The following ELFN1 variants were observed in gnomAD, a reference collection of about 807,000 sequenced individuals.
The protein encoded by ELFN1 is protein ELFN1.
In ELFN1, 6 loss-of-function variants were observed where a neutral mutation model predicts 7.6. The ratio of observed to expected loss-of-function variants is 0.79; its 90% confidence interval spans 0.43 to 1.56. The LOEUF (loss-of-function observed/expected upper bound fraction) is 1.56. ELFN1 is among the 40% of genes most tolerant of loss of function. ELFN1 has a pLI of 0.01. For missense variants in ELFN1, 1,169 were observed against 1,232.2 expected (o/e 0.95, Z 0.77); for synonymous variants, 657 against 588.1 (o/e 1.12, Z -1.70).
intron 2 of ELFN1, among the ~76,000 whole-genome samples, chr7:1,707,642 C>G (rs1779563788): frequency 6.6e-6 from 1 of 152,198 alleles, no homozygotes; most frequent in Admixed American, 6.5e-5. Flanking sequence ...TTTCAGTTAC[C>G]TTTTCCAACA....
chr7:1,712,818 G>A (rs770896767), intron 3 of ELFN1, among the ~76,000 whole-genome samples: 19 of 152,280 alleles, frequency 1.2e-4, no homozygotes, highest in Admixed American at 2.6e-4. Context: ...TACCTCTGGC[G>A]TCCCTCTTTT....
At position 1,746,585 on chromosome 7, in the gene ELFN1, G is replaced by A. The variant is rs538570772; in HGVS notation, c.1989G>A (p.Ala663=). 45 of 1,345,498 alleles carry A rather than the reference G, an allele frequency of 3.3e-5. No homozygotes were observed. In the Admixed American group the frequency reaches 1.0e-3, roughly 30 times the overall value. The allele number at this position is 1,345,498 out of a possible 1,614,324, so 83.3% of individuals were successfully genotyped here. ...RAEAVGVHKA[A]AAEAKYIEKG... Reference sequence around the variant, plus strand: ...AGGCCGTCGGGGTGCACAAGGCCGCGGCCGCCGAGGCCAAGTACATCGAGA... The same window carrying A: ...AGGCCGTCGGGGTGCACAAGGCCGCAGCCGCCGAGGCCAAGTACATCGAGA... The change falls in exon 4 of 4, where the codon GCG becomes GCA. Residue 663 remains alanine (A), a synonymous_variant. Coordinates refer to ENST00000424383, the MANE Select transcript of ELFN1 (RefSeq NM_001128636.4).
At chr7:1,708,169 C>G (rs1382114521) in intron 2 of ELFN1, among the ~76,000 whole-genome samples, 1 of 152,252 alleles carries the variant, frequency 6.6e-6, no homozygotes, top group Non-Finnish European at 1.5e-5. Flanking sequence ...GGGCTGGGCT[C>G]TGCACCACAC....
At chr7:1,716,648 G>A (rs112488380) in intron 3 of ELFN1, among the ~76,000 whole-genome samples, 22,080 of 152,236 alleles carry the variant, frequency 0.15, 1,766 homozygotes, top group African/African-American at 0.21. Flanking sequence ...TGACCCCTGG[G>A]GCTGCATGCG....
At chr7:1,668,875 T>C (rs1778710546), upstream of ELFN1, among the ~76,000 whole-genome samples, 1 of 152,138 alleles carries the variant, frequency 6.6e-6, no homozygotes, top group Non-Finnish European at 1.5e-5. Context: ...GTGCTGGGTT[T>C]CCAGGGCCCC....
At position 1,722,734 on chromosome 7, in the gene ELFN1, C is replaced by G. The variant is rs555912148; in HGVS notation, c.-294+13482C>G. ...TGATTATAAAATATTTAAGATGTCTCAAATATCTAAGAAATCCCTTATAAA... is the reference window on the plus strand; with the variant it reads ...TGATTATAAAATATTTAAGATGTCTGAAATATCTAAGAAATCCCTTATAAA... On this transcript the variant is annotated intron_variant, in intron 3 of 3. Coordinates refer to ENST00000424383, the MANE Select transcript of ELFN1 (RefSeq NM_001128636.4). Among the ~76,000 whole-genome samples the G allele has an allele frequency of 4.7e-4, 71 of 152,222 alleles. 3 individuals are homozygous for G. In the South Asian group the frequency reaches 0.014, roughly 31 times the overall value.
intron 3 of ELFN1, among the ~76,000 whole-genome samples, chr7:1,729,071 C>T (rs73040568): frequency 1.3e-3 from 198 of 152,324 alleles, no homozygotes; most frequent in Middle Eastern, 3.4e-3. Context: ...CCTCCTGCCC[C>T]GCGGAGCTGC....
chr7:1,713,811 C>T lies in ELFN1; in HGVS notation c.-294+4559C>T, dbSNP rs536513473. Among the ~76,000 whole-genome samples, 12 of 152,306 alleles carry T rather than the reference C, an allele frequency of 7.9e-5. No individual in the cohort carries two copies. The South Asian group carries it at 2.1e-3, about 26-fold the overall frequency. On this transcript the variant is annotated intron_variant, in intron 3 of 3. Transcript: ENST00000424383. ...CTCAAGTGCAGGGCTGGCATCCCAGCGACTCGCCCAAGGCCACCTCGCCAA... is the reference window on the plus strand; with the variant it reads ...CTCAAGTGCAGGGCTGGCATCCCAGTGACTCGCCCAAGGCCACCTCGCCAA...
intron 1 of ELFN1, among the ~76,000 whole-genome samples, chr7:1,680,082 A>G (rs961071288): frequency 6.6e-5 from 10 of 152,200 alleles, no homozygotes; most frequent in African/African-American, 2.2e-4. Flanking sequence ...TCATTCATTC[A>G]TTCACCTACC....
intron 3 of ELFN1, among the ~76,000 whole-genome samples, chr7:1,734,792 AG>A (rs1406269772): frequency 1.3e-5 from 2 of 151,356 alleles, no homozygotes; most frequent in Admixed American, 1.3e-4. Context: ...CAACCTCCTG[AG>A]CCGGTGGGAT....
At chr7:1,709,532 A>G (rs1170789067) in intron 3 of ELFN1, among the ~76,000 whole-genome samples, 1 of 152,258 alleles carries the variant, frequency 6.6e-6, no homozygotes, top group African/African-American at 2.4e-5. Flanking sequence ...GGTGGTGGCC[A>G]TACTCGGGGT....
At chr7:1,724,360 C>T (rs555265717) in intron 3 of ELFN1, among the ~76,000 whole-genome samples, 4 of 152,222 alleles carry the variant, frequency 2.6e-5, no homozygotes, top group South Asian at 4.2e-4. Flanking sequence ...CTCAGGTGAC[C>T]GTGTTTACCC....
Position 1,746,716 on chromosome 7 carries a change from A to G in ELFN1, c.2120A>G (p.Tyr707Cys). The change falls in exon 4 of 4, where the codon TAC (tyrosine) becomes TGC (cysteine). Residue 707 changes from tyrosine to cysteine, a missense_variant. Transcript: ENST00000424383. ...CAGTACGGCGAGCACCGGCACTCGT[A>G]CCCCGGCTCCCACCCGGCCGAGCCA... Reference protein sequence around the residue: ...GRQYGEHRHSYPGSHPAEPPA... With the variant: ...GRQYGEHRHSCPGSHPAEPPA... The G allele has an allele frequency of 6.8e-7, 1 of 1,475,608 alleles. No individual in the cohort carries two copies. The highest frequency in any genetic ancestry group is 8.9e-7 in the Non-Finnish European group (1 of 1,119,868). The allele number at this position is 1,475,608 out of a possible 1,614,324, so 91.4% of individuals were successfully genotyped here.
intron 3 of ELFN1, among the ~76,000 whole-genome samples, chr7:1,716,953 A>C (rs985880719): frequency 3.3e-5 from 5 of 152,168 alleles, no homozygotes; most frequent in Admixed American, 2.6e-4. Flanking sequence ...ATTAGTAGAC[A>C]GGGCTGCTGT....
intron 2 of ELFN1, among the ~76,000 whole-genome samples, chr7:1,690,603 GATGAATGGATAA>G (rs1779141552): frequency 6.6e-6 from 1 of 151,298 alleles, no homozygotes; most frequent in African/African-American, 2.4e-5. Flanking sequence ...TGGATGGATG[GATGAATGGATAA>G]ATGGATGGAT....
In ELFN1 at chr7:1,670,788, C is replaced by G. The variant is rs1157839913; in HGVS notation, c.-549+434C>G. Reference sequence around the variant, plus strand: ...CACCTCCTGGCCGAGTCGCTGACCCCTCCCCAGGCTCGCATCGCCCTCCCT... The same window carrying G: ...CACCTCCTGGCCGAGTCGCTGACCCGTCCCCAGGCTCGCATCGCCCTCCCT... On this transcript the variant is annotated intron_variant, in intron 1 of 3. Coordinates refer to ENST00000424383, the MANE Select transcript of ELFN1 (RefSeq NM_001128636.4). This position sits in a 1 kb window ranked among gnomAD's most constrained non-coding sequence, Gnocchi z 6.4. Among the ~76,000 whole-genome samples the G allele has an allele frequency of 6.6e-6, 1 of 152,208 alleles. No individual in the cohort carries two copies. Among genetic ancestry groups the G allele is most frequent in the Admixed American group, 6.5e-5 (1 of 15,290 alleles).
At position 1,745,859 on chromosome 7, in the gene ELFN1, C is replaced by T. The variant is rs1326334438; in HGVS notation, c.1263C>T (p.Thr421=). Residue 421 remains threonine (T), a synonymous_variant, in exon 4 of 4, where the codon ACC becomes ACT. Transcript: ENST00000424383. ...CCACGGCCACCCACTACATCATGAC[C>T]ATCCTGGGCTGCCTCTTCGGCATGG... ...SPSTATHYIM[T]ILGCLFGMVL... 4 of 1,591,504 alleles carry T rather than the reference C, an allele frequency of 2.5e-6. No homozygotes were observed. Among genetic ancestry groups the T allele is most frequent in the Non-Finnish European group, 8.5e-7 (1 of 1,170,462 alleles).
At chr7:1,698,955 C>A (rs370886444) in intron 2 of ELFN1, among the ~76,000 whole-genome samples, 1 of 152,352 alleles carries the variant, frequency 6.6e-6, no homozygotes, top group Admixed American at 6.5e-5. Flanking sequence ...ACCTCTCCCC[C>A]ACCTCAGGGT....
intron 1 of ELFN1, among the ~76,000 whole-genome samples, chr7:1,679,645 G>C (rs1446468136): frequency 2.0e-5 from 3 of 152,230 alleles, no homozygotes; most frequent in Non-Finnish European, 4.4e-5. Context: ...CTGTGCACTG[G>C]AGCTGCTAAC....
Sources: allele counts gnomAD v4.1 joint callset (sites outside exome capture counted in the v4.1 genomes callset), GRCh38; gene constraint gnomAD v4.1.1; non-coding constraint Gnocchi (gnomAD v3.1); transcripts MANE v1.5; gene names NCBI Gene and HGNC (gene_info 2026-07-23, HGNC 2026-07-21).